Variants in CLOCK observed in about 807,000 individuals in gnomAD.
The protein encoded by CLOCK is circadian locomoter output cycles protein kaput.
In CLOCK, 43 loss-of-function variants were observed where a neutral mutation model predicts 118.4. That is an observed-to-expected ratio of 0.36 (90% CI 0.28 to 0.47). The LOEUF (loss-of-function observed/expected upper bound fraction) is 0.47. CLOCK is among the 20% of genes least tolerant of loss of function. The pLI, the probability that CLOCK is intolerant of heterozygous loss-of-function variation, is 1.00. For missense variants in CLOCK, 846 were observed against 999.9 expected (o/e 0.85, Z 2.08); for synonymous variants, 326 against 339.2 (o/e 0.96, Z 0.43).
chr4:55,436,903 T>A (rs1722921414), intron 22 of CLOCK, among the ~76,000 whole-genome samples: 1 of 151,012 alleles, frequency 6.6e-6, no homozygotes, highest in South Asian at 2.1e-4. Context: ...TTTTTTTTTT[T>A]TTTTTTTTTG....
chr4:55,496,448 C>G (rs765763793), intron 2 of CLOCK, among the ~76,000 whole-genome samples: 8 of 152,144 alleles, frequency 5.3e-5, no homozygotes, highest in Non-Finnish European at 8.8e-5. Context: ...CATTCTTTTT[C>G]ATGTTTCTCT....
chr4:55,515,755 C>T (rs192517045), intron 1 of CLOCK, among the ~76,000 whole-genome samples: 2 of 152,216 alleles, frequency 1.3e-5, no homozygotes, highest in Admixed American at 1.3e-4. Context: ...TTGTAGTTTC[C>T]TAAGGCAGAA....
chr4:55,485,690 T>C (rs1727253912), intron 3 of CLOCK, among the ~76,000 whole-genome samples: 1 of 152,184 alleles, frequency 6.6e-6, no homozygotes, highest in Admixed American at 6.5e-5. Flanking sequence ...AAAGGATCAG[T>C]TGCAGTTACT....
At chr4:55,438,206 A>T in intron 22 of CLOCK, 76 bp downstream of exon 22, 1 of 1,528,506 alleles carries the variant, frequency 6.5e-7, no homozygotes, top group Non-Finnish European at 9.0e-7. Context: ...TCACTCACAA[A>T]TCTGTTCACT....
chr4:55,538,922 A>T (rs551435215), intron 1 of CLOCK, among the ~76,000 whole-genome samples: 146 of 152,218 alleles, frequency 9.6e-4, no homozygotes, highest in Middle Eastern at 3.2e-3. Context: ...CCAACTTAGA[A>T]CTTAATAGCC....
Position 55,463,824 on chromosome 4 carries a change from A to T in CLOCK, c.439-19T>A, listed in dbSNP as rs779790627. Reference sequence around the variant, plus strand: ...GATCAGACTGAAAAGAAAATTGTTAAAAGTAAAATAACTTCAATGATTCAA... The same window carrying T: ...GATCAGACTGAAAAGAAAATTGTTATAAGTAAAATAACTTCAATGATTCAA... On this transcript the variant is annotated intron_variant, in intron 8 of 22. Transcript: ENST00000513440. The T allele has an allele frequency of 3.8e-6, 6 of 1,597,614 alleles. No homozygotes were observed. Among genetic ancestry groups the T allele is most frequent in the Middle Eastern group, 3.8e-4 (2 of 5,210 alleles).
intron 2 of CLOCK, among the ~76,000 whole-genome samples, chr4:55,493,668 A>G (rs1177472445): frequency 6.6e-6 from 1 of 152,246 alleles, no homozygotes; most frequent in Non-Finnish European, 1.5e-5. Flanking sequence ...GTGGTTCTCA[A>G]TTTATTCAAT....
At position 55,450,261 on chromosome 4, in the gene CLOCK, T is replaced by C. The variant is rs750308800; in HGVS notation, c.1207-29A>G. 2.5e-6 allele frequency: 4 copies of C among 1,613,534 alleles called. No individual in the cohort carries two copies. In the Admixed American group the frequency reaches 6.7e-5, roughly 27 times the overall value. On this transcript the variant is annotated intron_variant, in intron 15 of 22. Transcript: ENST00000513440. ...TGGAGACAGAGTAAAATAAATGTTT[T>C]CTTGTGGTTCAGTTCAGAGATCTCA...
At chr4:55,495,316 C>T (rs1727991851) in intron 2 of CLOCK, among the ~76,000 whole-genome samples, 1 of 152,172 alleles carries the variant, frequency 6.6e-6, no homozygotes, top group South Asian at 2.1e-4. Flanking sequence ...GTTGCACACT[C>T]TTCACCTTAC....
intron 2 of CLOCK, among the ~76,000 whole-genome samples, chr4:55,493,231 T>G (rs1461698316): frequency 1.3e-5 from 2 of 152,210 alleles, no homozygotes; most frequent in Non-Finnish European, 2.9e-5. Flanking sequence ...AAGTTTCATC[T>G]AGTTAATAAT....
chr4:55,543,928 A>G (rs761547235), intron 1 of CLOCK, among the ~76,000 whole-genome samples: 5 of 152,234 alleles, frequency 3.3e-5, no homozygotes, highest in Non-Finnish European at 5.9e-5. Flanking sequence ...CCTATCCTAC[A>G]AAATAAAAAG....
intron 1 of CLOCK, among the ~76,000 whole-genome samples, chr4:55,534,262 C>T (rs915053651): frequency 4.6e-5 from 7 of 152,096 alleles, no homozygotes; most frequent in Non-Finnish European, 1.0e-4. Context: ...CAAACTCTTC[C>T]AAAGAACTAA....
chr4:55,469,475 TAC>T (rs1219387664), intron 8 of CLOCK, among the ~76,000 whole-genome samples: 1 of 152,180 alleles, frequency 6.6e-6, no homozygotes, highest in Non-Finnish European at 1.5e-5. Flanking sequence ...GCACTGTTAT[TAC>T]AGGAGATGAC....
intron 8 of CLOCK, among the ~76,000 whole-genome samples, chr4:55,464,853 CTAA>C (rs778352001): frequency 2.6e-5 from 4 of 152,088 alleles, no homozygotes; most frequent in Non-Finnish European, 5.9e-5. Flanking sequence ...TTGCACCAAC[CTAA>C]TACTATTCTT....
At chr4:55,484,897 A>C (rs1276716528) in intron 3 of CLOCK, among the ~76,000 whole-genome samples, 1 of 152,138 alleles carries the variant, frequency 6.6e-6, no homozygotes, top group East Asian at 1.9e-4. Context: ...CTGTTTTACT[A>C]TTGTTGTTAA....
At chr4:55,513,063 C>T (rs1271337047) in intron 1 of CLOCK, among the ~76,000 whole-genome samples, 2 of 152,062 alleles carry the variant, frequency 1.3e-5, no homozygotes, top group Non-Finnish European at 2.9e-5. Flanking sequence ...ATAAAGTCTA[C>T]AGTAGTGTAC....
At chr4:55,531,703 C>A (rs1230196421) in intron 1 of CLOCK, among the ~76,000 whole-genome samples, 1 of 41,278 alleles carries the variant, frequency 2.4e-5, no homozygotes, top group African/African-American at 8.9e-5. Flanking sequence ...GACTTCGTCT[C>A]AAAAAAAAAA....
intron 2 of CLOCK, among the ~76,000 whole-genome samples, chr4:55,505,885 T>C (rs1212800952): frequency 2.0e-5 from 3 of 151,370 alleles, no homozygotes; most frequent in Non-Finnish European, 2.9e-5. Flanking sequence ...GTCCATATCA[T>C]ACATAAACAT....
At chr4:55,512,806 GA>G (rs1193322729) in intron 1 of CLOCK, among the ~76,000 whole-genome samples, 2 of 152,040 alleles carry the variant, frequency 1.3e-5, no homozygotes, top group Non-Finnish European at 2.9e-5. Flanking sequence ...ACCATTTGTT[GA>G]AAACTATCTT....
Sources: gnomAD v4.1 joint callset for allele counts (sites outside exome capture counted in the v4.1 genomes callset) on GRCh38, gnomAD v4.1.1 for gene constraint, MANE v1.5 for transcripts, NCBI Gene and HGNC (gene_info 2026-07-23, HGNC 2026-07-21) for gene names.